The following GALNT9 variants were observed in gnomAD, a reference collection of about 807,000 sequenced individuals.
The protein encoded by GALNT9 is polypeptide N-acetylgalactosaminyltransferase 9.
In GALNT9, 47 loss-of-function variants were observed where a neutral mutation model predicts 63.1. The ratio of observed to expected loss-of-function variants is 0.75; its 90% CI spans 0.59 to 0.95. The LOEUF (loss-of-function observed/expected upper bound fraction) is 0.95. Ranked by LOEUF, GALNT9 falls within the 40% of genes least tolerant of loss-of-function variation. The pLI, the probability that GALNT9 is intolerant of heterozygous loss-of-function variation, is 0.00. For synonymous variants in GALNT9, 396 were observed against 365.7 expected, an observed-to-expected ratio of 1.08 and a Z score of -0.94; for missense variants, 829 against 874.8, an observed-to-expected ratio of 0.95 and a Z score of 0.66.
At chr12:132,324,380 C>A (rs1868940606) in intron 1 of GALNT9, among the ~76,000 whole-genome samples, 1 of 152,190 alleles carries the variant, frequency 6.6e-6, no homozygotes. Flanking sequence ...TGTCTGTGAG[C>A]TCCTACCTGG....
At chr12:132,202,497 GGTGGTAAGCCAATTTAGGGGCT>G (rs1565983034) in intron 7 of GALNT9, among the ~76,000 whole-genome samples, 1 of 152,068 alleles carries the variant, frequency 6.6e-6, no homozygotes, top group African/African-American at 2.4e-5. Context: ...TCTAGCAGGG[GGTGGTAAGCCAATTTAGGGGCT>G]GTGGTGGGAA....
intron 6 of GALNT9, among the ~76,000 whole-genome samples, chr12:132,222,293 C>T (rs543316449): frequency 6.6e-6 from 1 of 152,252 alleles, no homozygotes; most frequent in South Asian, 2.1e-4. Flanking sequence ...AACGCACATA[C>T]CAGGCCAGGC....
Position 132,240,638 on chromosome 12 carries a change from C to T in GALNT9, c.1077+7272G>A, listed in dbSNP as rs2136899023. 135 of 449,248 alleles carry T rather than the reference C, an allele frequency of 3.0e-4. No homozygotes were observed. In the East Asian group the frequency reaches 9.0e-3, roughly 30 times the overall value. The allele number at this position is 449,248 out of a possible 1,614,324, so 27.8% of individuals were successfully genotyped here. Reference sequence around the variant, plus strand: ...GGGCTCGGCTGTGCTCTATGGGCCTCGGACCTGCTCCTCTTCACTCTCTGC... The same window carrying T: ...GGGCTCGGCTGTGCTCTATGGGCCTTGGACCTGCTCCTCTTCACTCTCTGC... On this transcript the variant is annotated intron_variant, in intron 6 of 10. Transcript: ENST00000328957.
chr12:132,269,370 A>C (rs1385813278), intron 2 of GALNT9, among the ~76,000 whole-genome samples: 2 of 152,174 alleles, frequency 1.3e-5, no homozygotes, highest in Non-Finnish European at 2.9e-5. Flanking sequence ...AGCTTTTCCG[A>C]GGAGCGGGAC....
intron 6 of GALNT9, among the ~76,000 whole-genome samples, chr12:132,204,841 C>T (rs1030606770): frequency 2.6e-5 from 4 of 152,128 alleles, no homozygotes; most frequent in Non-Finnish European, 5.9e-5. Context: ...ATCCACGTGG[C>T]CCAAGCTCCG....
chr12:132,237,791 C>G (rs1159592817), intron 6 of GALNT9, among the ~76,000 whole-genome samples: 1 of 152,246 alleles, frequency 6.6e-6, no homozygotes, highest in Non-Finnish European at 1.5e-5. Flanking sequence ...GGCATGGAAG[C>G]AAGCCCGGGA....
At chr12:132,262,333 A>G in intron 3 of GALNT9, 126 bp downstream of exon 3, 1 of 1,277,524 alleles carries the variant, frequency 7.8e-7, no homozygotes, top group Non-Finnish European at 1.0e-6. Context: ...ATAGGTTTAG[A>G]GCCCCTGCGG....
At chr12:132,223,178 GC>G (rs1877540161) in intron 6 of GALNT9, among the ~76,000 whole-genome samples, 1 of 8,812 alleles carries the variant, frequency 1.1e-4, no homozygotes, top group Non-Finnish European at 2.3e-4. Flanking sequence ...AACCCACACC[GC>G]ACACAACCCA....
Position 132,221,051 on chromosome 12 carries a change from CAAAAAAA to C in GALNT9, c.1078-17368_1078-17362del, listed in dbSNP as rs550355613. ...CAGCCTGGTGAGAGTGAGATTGTGT[CAAAAAAA>C]AAAAAAAAAAAAAAGGTCTGGGCGC... On this transcript the variant is annotated intron_variant, in intron 6 of 10. Coordinates refer to ENST00000328957, the MANE Select transcript of GALNT9 (RefSeq NM_001122636.2). Among the ~76,000 whole-genome samples the C allele has an allele frequency of 8.6e-4, 61 of 71,008 alleles. 1 individual carries two copies. The highest frequency in any genetic ancestry group is 3.5e-3 in the African/African-American group (55 of 15,812). The allele number at this position is 71,008 out of a possible 152,430, so 46.6% of individuals were successfully genotyped here.
In GALNT9 at chr12:132,262,600, C is replaced by A; in HGVS notation, c.445G>T (p.Asp149Tyr). The A allele has an allele frequency of 6.4e-7, 1 of 1,551,074 alleles. No individual in the cohort carries two copies. The highest frequency in any genetic ancestry group is 1.2e-5 in the South Asian group (1 of 84,014). Residue 149 changes from aspartate (D) to tyrosine (Y), a missense_variant, in exon 3 of 11, where the codon GAC (aspartate) becomes TAC (tyrosine). Asp to Tyr is a radical substitution (Grantham distance 160). Coordinates refer to ENST00000328957, the MANE Select transcript of GALNT9 (RefSeq NM_001122636.2). ...AAGACCACGGAGACCTGGGGCAGGTCCTGGGCGTAGCTCATCTGTCTGCAC... is the reference window on the plus strand; with the variant it reads ...AAGACCACGGAGACCTGGGGCAGGTACTGGGCGTAGCTCATCTGTCTGCAC... ...RKCRQMSYAQDLPQVSVVFIF... is the reference protein window; with the variant it reads ...RKCRQMSYAQYLPQVSVVFIF...
intron 1 of GALNT9, among the ~76,000 whole-genome samples, chr12:132,321,546 C>T (rs1243051187): frequency 6.6e-6 from 1 of 152,198 alleles, no homozygotes; most frequent in African/African-American, 2.4e-5. Context: ...GTCCTGGCAG[C>T]CCCCTGCCCT....
intron 6 of GALNT9, among the ~76,000 whole-genome samples, chr12:132,225,718 C>T (rs957803321): frequency 1.3e-4 from 19 of 145,258 alleles, no homozygotes; most frequent in African/African-American, 4.6e-4. Flanking sequence ...ACGTACACAC[C>T]CCATACACAC....
intron 1 of GALNT9, among the ~76,000 whole-genome samples, chr12:132,293,038 G>A (rs1555242924): frequency 6.6e-6 from 1 of 152,230 alleles, no homozygotes; most frequent in East Asian, 1.9e-4. Flanking sequence ...CTGTTCACCA[G>A]GTGTGGGAGT....
intron 6 of GALNT9, among the ~76,000 whole-genome samples, chr12:132,240,012 T>C (rs1555236749): frequency 1.3e-5 from 2 of 151,760 alleles, no homozygotes; most frequent in Non-Finnish European, 2.9e-5. Context: ...GAAGAGTGGC[T>C]CCCCAACCCA....
At chr12:132,322,863 G>T (rs782148474) in intron 1 of GALNT9, among the ~76,000 whole-genome samples, 1 of 152,226 alleles carries the variant, frequency 6.6e-6, no homozygotes, top group Non-Finnish European at 1.5e-5. Flanking sequence ...CTAGAGGGGG[G>T]ACTGTCAGAC....
intron 6 of GALNT9, among the ~76,000 whole-genome samples, chr12:132,216,053 TAGACAGAGACATAG>T (rs1877174364): frequency 2.6e-5 from 4 of 151,766 alleles, no homozygotes; most frequent in African/African-American, 9.7e-5. Flanking sequence ...CATCTAATGA[TAGACAGAGACATAG>T]AGAGACGTAG....
rs769126062 is a variant in GALNT9 at position 132,197,222 on chromosome 12, CGGCCCGT to C, written c.1690_1696del (p.Thr564AlafsTer28). Reference sequence around the variant, plus strand: ...TTTGGACATCTCCACCTCCAGGCAGCGGCCCGTGGCCCGGCTCACAATGGGGCCACTC... The same window carrying C: ...TTTGGACATCTCCACCTCCAGGCAGCGGCCCGGCTCACAATGGGGCCACTC... On this transcript the variant is annotated frameshift_variant, in exon 11 of 11. Coordinates refer to ENST00000328957, the MANE Select transcript of GALNT9 (RefSeq NM_001122636.2). LOFTEE classifies it high-confidence loss of function. 6.2e-7 allele frequency: 1 copy of C among 1,613,412 alleles called. No individual in the cohort carries two copies. Among genetic ancestry groups the C allele is most frequent in the Non-Finnish European group, 8.5e-7 (1 of 1,179,992 alleles).
chr12:132,300,505 T>C (rs1340087395), intron 1 of GALNT9, among the ~76,000 whole-genome samples: 7 of 110,252 alleles, frequency 6.3e-5, no homozygotes, highest in Admixed American at 1.9e-4. Context: ...ATCTAACCCA[T>C]CCCTGAGATG....
rs2136898157 is a variant in GALNT9, at chr12:132,240,367, C to T, written c.1077+7543G>A. The T allele has an allele frequency of 4.9e-3, 1,734 of 351,260 alleles. 42 individuals carry two copies. Among genetic ancestry groups the T allele is most frequent in the African/African-American group, 0.035 (1,619 of 46,628 alleles). The allele number at this position is 351,260 out of a possible 1,614,324, so 21.8% of individuals were successfully genotyped here. On this transcript the variant is annotated intron_variant, in intron 6 of 10. Transcript: ENST00000328957. ...GCTGCAGGGAGACCCCACTGTACAC[C>T]CCATGCTGGCCAGGTGGCTGGTGAA... is the stretch of plus-strand genomic sequence containing the variant.
Sources: gnomAD v4.1 joint callset for allele counts (sites outside exome capture counted in the v4.1 genomes callset) on GRCh38, gnomAD v4.1.1 for gene constraint, MANE v1.5 for transcripts, NCBI Gene and HGNC (gene_info 2026-07-23, HGNC 2026-07-21) for gene names.